WWOX: variants seen among roughly 807,000 people sequenced by gnomAD.
The protein encoded by WWOX is WW domain-containing oxidoreductase.
In WWOX, 69 loss-of-function variants were observed where a neutral mutation model predicts 46.2. The observed-to-expected ratio is 1.49, with a 90% CI of 1.23 to 1.82. The LOEUF is 1.82. WWOX is among the 40% of genes most tolerant of loss of function. The probability of loss-of-function intolerance (pLI) is 0.00; values close to 1 mark genes in which losing one functional copy is unlikely to be tolerated. For missense variants in WWOX, 919 were observed against 542.6 expected (o/e 1.69, Z -6.89); for synonymous variants, 359 against 202.6 (o/e 1.77, Z -6.56).
At chr16:78,761,144 G>C (rs753705344) in intron 8 of WWOX, among the ~76,000 whole-genome samples, 1 of 152,164 alleles carries the variant, frequency 6.6e-6, no homozygotes, top group African/African-American at 2.4e-5. Flanking sequence ...TGACTGAGCG[G>C]GGGCTGTTTC....
At chr16:79,165,410 G>A (rs2050574260) in intron 8 of WWOX, among the ~76,000 whole-genome samples, 1 of 152,162 alleles carries the variant, frequency 6.6e-6, no homozygotes, top group African/African-American at 2.4e-5. Flanking sequence ...GATTAATGCA[G>A]CTAAATTTCC....
intron 8 of WWOX, among the ~76,000 whole-genome samples, chr16:78,972,419 A>G (rs1349506088): frequency 6.6e-6 from 1 of 151,936 alleles, no homozygotes; most frequent in East Asian, 1.9e-4. Flanking sequence ...AATATTTTAC[A>G]AATTAAAAGC....
At chr16:78,789,435 C>G (rs2142585228) in intron 8 of WWOX, among the ~76,000 whole-genome samples, 1 of 151,992 alleles carries the variant, frequency 6.6e-6, no homozygotes, top group Admixed American at 6.6e-5. Flanking sequence ...GTCTTTGCAC[C>G]CTTATCAGAG....
intron 8 of WWOX, among the ~76,000 whole-genome samples, chr16:78,999,662 A>G (rs1020280464): frequency 6.6e-6 from 1 of 152,142 alleles, no homozygotes; most frequent in Admixed American, 6.5e-5. Context: ...TGTATGCACC[A>G]GAGTGATTGG....
intron 8 of WWOX, among the ~76,000 whole-genome samples, chr16:78,976,198 A>G (rs1209439205): frequency 1.3e-5 from 2 of 152,216 alleles, no homozygotes; most frequent in Non-Finnish European, 2.9e-5. Context: ...AGAATGAACA[A>G]ATGAATGAAT....
chr16:78,949,779 G>A (rs1041814583), intron 8 of WWOX, among the ~76,000 whole-genome samples: 8 of 152,154 alleles, frequency 5.3e-5, no homozygotes, highest in Non-Finnish European at 1.2e-4. Context: ...AGGATTGAAC[G>A]CCTCAATGCG....
intron 8 of WWOX, among the ~76,000 whole-genome samples, chr16:78,610,168 G>A (rs1344836867): frequency 1.3e-5 from 2 of 152,066 alleles, no homozygotes; most frequent in South Asian, 2.1e-4. Flanking sequence ...TAATGGATTC[G>A]CTTGATATAC....
intron 8 of WWOX, among the ~76,000 whole-genome samples, chr16:78,682,774 G>T (rs1258005185): frequency 6.6e-6 from 1 of 152,126 alleles, no homozygotes; most frequent in African/African-American, 2.4e-5. Context: ...CGGTAATTTG[G>T]AGCCAGTACT....
intron 8 of WWOX, among the ~76,000 whole-genome samples, chr16:78,660,615 C>G (rs559914080): frequency 1.3e-5 from 2 of 152,132 alleles, no homozygotes; most frequent in Non-Finnish European, 2.9e-5. Flanking sequence ...CAGCTCCCTA[C>G]TCACTTGGGG....
chr16:78,962,192 C>G (rs1265683266), intron 8 of WWOX, among the ~76,000 whole-genome samples: 2 of 151,800 alleles, frequency 1.3e-5, no homozygotes, highest in Non-Finnish European at 2.9e-5. Context: ...AGGACAGCCA[C>G]CCTGTGGATG....
At chr16:78,508,310 C>CTTTTTTTATTTTTTT (rs2085268717) in intron 8 of WWOX, among the ~76,000 whole-genome samples, 1 of 112,796 alleles carries the variant, frequency 8.9e-6, no homozygotes, top group African/African-American at 4.3e-5. Flanking sequence ...TGCGCCCGGC[C>CTTTTTTTATTTTTTT]TTTTTTTTTT....
At chr16:79,182,413 C>T (rs1473158677) in intron 8 of WWOX, among the ~76,000 whole-genome samples, 2 of 152,142 alleles carry the variant, frequency 1.3e-5, no homozygotes, top group African/African-American at 2.4e-5. Flanking sequence ...TTCCTTATCC[C>T]GTTAATATAT....
intron 8 of WWOX, among the ~76,000 whole-genome samples, chr16:78,749,298 C>T (rs376053064): frequency 1.3e-5 from 2 of 152,086 alleles, no homozygotes; most frequent in East Asian, 3.9e-4. Flanking sequence ...CAATCCTCTT[C>T]CCTACAGAGA....
intron 8 of WWOX, among the ~76,000 whole-genome samples, chr16:78,983,601 A>G (rs1384429635): frequency 6.6e-6 from 1 of 152,154 alleles, no homozygotes; most frequent in African/African-American, 2.4e-5. Context: ...CCACTAGATT[A>G]TATTTTCTAG....
chr16:78,109,799 A>C lies in WWOX; in HGVS notation c.194A>C (p.Gln65Pro). 6.2e-7 allele frequency: 1 copy of C among 1,614,206 alleles called. No homozygotes were observed. Among genetic ancestry groups the C allele is most frequent in the Non-Finnish European group, 8.5e-7 (1 of 1,180,046 alleles). ...TCAGATTTGCCATACGGATGGGAAC[A>C]AGAAACTGATGAGAACGGACAAGTG... ...VAGDLPYGWE[Q>P]ETDENGQVFF... Residue 65 changes from glutamine to proline, a missense_variant, in exon 3 of 9, where the codon CAA becomes CCA. Physicochemically the swap from Gln to Pro is moderately conservative, Grantham distance 76. Transcript: ENST00000566780.
chr16:78,657,782 A>G (rs1362543921), intron 8 of WWOX, among the ~76,000 whole-genome samples: 1 of 151,658 alleles, frequency 6.6e-6, no homozygotes, highest in Non-Finnish European at 1.5e-5. Context: ...CTGGATTTTC[A>G]TTGTTGTCCT....
At position 78,263,238 on chromosome 16, in the gene WWOX, A is replaced by G. The variant is rs571794841; in HGVS notation, c.516+98949A>G. On this transcript the variant is annotated intron_variant, in intron 5 of 8. Coordinates refer to ENST00000566780, the MANE Select transcript of WWOX (RefSeq NM_016373.4). ...GCGAGACTTCCTCTCAAAGAAATAAATACACTGTGTCCTCTCAGCAAGACC... is the reference window on the plus strand; with the variant it reads ...GCGAGACTTCCTCTCAAAGAAATAAGTACACTGTGTCCTCTCAGCAAGACC... Among the ~76,000 whole-genome samples the G allele has an allele frequency of 1.2e-4, 18 of 152,312 alleles. No individual in the cohort carries two copies. The South Asian group carries it at 3.5e-3, about 30-fold the overall frequency.
intron 8 of WWOX, among the ~76,000 whole-genome samples, chr16:78,579,021 A>G (rs538596301): frequency 6.6e-6 from 1 of 151,768 alleles, no homozygotes; most frequent in South Asian, 2.1e-4. Context: ...CATCTTAGGC[A>G]TTTTTTTCCT....
At chr16:78,483,891 T>C (rs1003367355) in intron 8 of WWOX, among the ~76,000 whole-genome samples, 1 of 152,156 alleles carries the variant, frequency 6.6e-6, no homozygotes, top group Non-Finnish European at 1.5e-5. Flanking sequence ...CATCTTGTGG[T>C]CAACAGTGGG....
Sources: allele counts gnomAD v4.1 joint callset (sites outside exome capture counted in the v4.1 genomes callset), GRCh38; gene constraint gnomAD v4.1.1; transcripts MANE v1.5; gene names NCBI Gene and HGNC (gene_info 2026-07-23, HGNC 2026-07-21).